The following GAS7 variants were observed in gnomAD, a reference collection of about 807,000 sequenced individuals.
The protein encoded by GAS7 is growth arrest specific 7, also known as growth arrest-specific protein 7.
Under a neutral mutation model 71.1 loss-of-function variants are expected in GAS7, and 28 were observed. That is an observed-to-expected ratio of 0.39 (90% CI 0.29 to 0.54). The LOEUF (loss-of-function observed/expected upper bound fraction) is 0.54. Ranked by LOEUF, GAS7 falls within the 20% of genes least tolerant of loss-of-function variation. The pLI is 0.62. For synonymous variants in GAS7, 258 were observed against 245.8 expected (o/e 1.05, Z -0.46); for missense variants, 436 against 627.8 (o/e 0.69, Z 3.27).
At chr17:10,022,642 G>A (rs556057131) in intron 1 of GAS7, among the ~76,000 whole-genome samples, 11 of 152,282 alleles carry the variant, frequency 7.2e-5, no homozygotes, top group Non-Finnish European at 1.2e-4. Context: ...GGAAGACGAC[G>A]GAGAGGGTAA....
At chr17:9,982,252 C>G (rs2070438956) in intron 2 of GAS7, among the ~76,000 whole-genome samples, 1 of 152,166 alleles carries the variant, frequency 6.6e-6, no homozygotes, top group Non-Finnish European at 1.5e-5. Context: ...GACTCTTCTC[C>G]TGGAACCCTG....
chr17:10,170,438 G>C (rs2074327666), intron 1 of GAS7, among the ~76,000 whole-genome samples: 1 of 151,928 alleles, frequency 6.6e-6, no homozygotes, highest in Non-Finnish European at 1.5e-5. Flanking sequence ...GGAATGCTCT[G>C]GCCTCAGGGC....
At chr17:10,056,555 T>C (rs2073139021) in intron 1 of GAS7, among the ~76,000 whole-genome samples, 1 of 151,182 alleles carries the variant, frequency 6.6e-6, no homozygotes, top group Non-Finnish European at 1.5e-5. Context: ...AAGGTCTCAG[T>C]CTTCGGCTCC....
intron 1 of GAS7, among the ~76,000 whole-genome samples, chr17:10,163,229 G>T (rs2074269419): frequency 6.6e-6 from 1 of 152,118 alleles, no homozygotes. Context: ...TCCTGCCTCA[G>T]CCTCCTGAGG....
At chr17:9,962,239 T>TACACACACACACACACACACACACAC (rs58521200) in intron 4 of GAS7, among the ~76,000 whole-genome samples, 12 of 148,614 alleles carry the variant, frequency 8.1e-5, no homozygotes, top group African/African-American at 3.0e-4. Flanking sequence ...GTGCATTTTA[T>TACACACACACACACACACACACACAC]ACACACACAC....
At chr17:9,970,362 G>T (rs2069909141) in intron 3 of GAS7, among the ~76,000 whole-genome samples, 1 of 152,188 alleles carries the variant, frequency 6.6e-6, no homozygotes, top group Admixed American at 6.5e-5. Context: ...TGGAGCTGGG[G>T]CTCATGTCTG....
At chr17:9,955,007 T>C (rs189705725) in intron 5 of GAS7, among the ~76,000 whole-genome samples, 1 of 152,284 alleles carries the variant, frequency 6.6e-6, no homozygotes, top group East Asian at 1.9e-4. Flanking sequence ...CATGCACAGA[T>C]GAGGAAACTG....
At chr17:10,095,022 G>A (rs943047022) in intron 1 of GAS7, among the ~76,000 whole-genome samples, 3 of 151,920 alleles carry the variant, frequency 2.0e-5, no homozygotes, top group Admixed American at 1.3e-4. Context: ...CTTTCCACGC[G>A]GCCTTTAACA....
intron 2 of GAS7, among the ~76,000 whole-genome samples, chr17:9,998,481 G>T (rs1382149820): frequency 6.6e-6 from 1 of 151,066 alleles, no homozygotes; most frequent in Non-Finnish European, 1.5e-5. Flanking sequence ...AGAGAAAGAT[G>T]CATGAAGAGA....
At chr17:10,017,141 T>A (rs894612388) in intron 2 of GAS7, among the ~76,000 whole-genome samples, 6 of 118,178 alleles carry the variant, frequency 5.1e-5, no homozygotes, top group African/African-American at 2.0e-4. Context: ...AAAAAATAAA[T>A]AAATAAATAA....
intron 1 of GAS7, among the ~76,000 whole-genome samples, chr17:10,135,973 G>C (rs1331161206): frequency 2.0e-5 from 3 of 152,190 alleles, no homozygotes; most frequent in African/African-American, 4.8e-5. Context: ...TAAAGAACAA[G>C]AGCATGACTT....
rs545817658 is a variant in GAS7 at position 10,095,987 on chromosome 17, G to A, written c.184-76090C>T. 2.0e-5 allele frequency among the ~76,000 whole-genome samples: 3 copies of A among 152,038 alleles called. No individual in the cohort carries two copies. The South Asian group carries it at 6.2e-4, about 32-fold the overall frequency. ...TCCTCAACCTGGCTGTGCCCATTGC[G>A]GGTATGTTCCTTGGGGCTCCATCCC... On this transcript the variant is annotated intron_variant, in intron 1 of 13. Coordinates refer to ENST00000432992, the MANE Select transcript of GAS7 (RefSeq NM_201433.2).
At chr17:10,005,092 C>T (rs1019122134) in intron 2 of GAS7, among the ~76,000 whole-genome samples, 5 of 143,500 alleles carry the variant, frequency 3.5e-5, no homozygotes, top group Non-Finnish European at 6.0e-5. Flanking sequence ...CGTGTGTGCA[C>T]GCATACATGC....
At chr17:10,004,605 C>T (rs189436082) in intron 2 of GAS7, among the ~76,000 whole-genome samples, 1 of 152,202 alleles carries the variant, frequency 6.6e-6, no homozygotes, top group African/African-American at 2.4e-5. Context: ...GTTTTAAGAT[C>T]CCTCTCGAAA....
At chr17:9,934,285 G>A in intron 8 of GAS7, 41 bp from the exon 9 acceptor site, 2 of 1,405,602 alleles carry the variant, frequency 1.4e-6, no homozygotes, top group Non-Finnish European at 2.0e-6. Context: ...ACAAGCCAAA[G>A]CCCTTCCTGA....
At chr17:10,146,331 T>C (rs1162156004) in intron 1 of GAS7, among the ~76,000 whole-genome samples, 1 of 152,192 alleles carries the variant, frequency 6.6e-6, no homozygotes, top group Non-Finnish European at 1.5e-5. Context: ...AGAAAAGATG[T>C]CTCACTCAAA....
At chr17:9,996,673 C>CT (rs1301851189) in intron 2 of GAS7, among the ~76,000 whole-genome samples, 1 of 151,516 alleles carries the variant, frequency 6.6e-6, no homozygotes, top group Non-Finnish European at 1.5e-5. Context: ...GAGGCTCGCT[C>CT]TGTCGCCCAG....
At chr17:9,992,865 T>A (rs1331921252) in intron 2 of GAS7, among the ~76,000 whole-genome samples, 2 of 151,616 alleles carry the variant, frequency 1.3e-5, no homozygotes, top group Non-Finnish European at 2.9e-5. Context: ...TTTGGTTTTT[T>A]GTCCTTGCGA....
rs916695252 is a variant in GAS7, at chr17:9,959,237, G to T, written c.490C>A (p.Pro164Thr). The change falls in exon 5 of 14, where the codon CCA (proline) becomes ACA (threonine). Residue 164 changes from proline (P) to threonine (T), a missense_variant. Pro to Thr is a conservative substitution (Grantham distance 38, BLOSUM62 -1). Transcript: ENST00000432992. The surrounding 1 kb of genome is among the most constrained non-coding windows in gnomAD (Gnocchi z 5.0). ...GDSQNLGSSS[P>T]SKKQSKENTI... ...TTTTCCTTGCTCTGCTTTTTGCTTG[G>T]CGATGAGGATCCCAGGTTCTGGGGA... 1.9e-6 allele frequency: 3 copies of T among 1,613,978 alleles called. No individual in the cohort carries two copies. The African/African-American group carries it at 4.0e-5, about 22-fold the overall frequency.
Sources: gnomAD v4.1 joint callset for allele counts (sites outside exome capture counted in the v4.1 genomes callset) on GRCh38, gnomAD v4.1.1 for gene constraint, Gnocchi (gnomAD v3.1) non-coding constraint, MANE v1.5 for transcripts, NCBI Gene and HGNC (gene_info 2026-07-23, HGNC 2026-07-21) for gene names.